NAT2: variants seen among roughly 807,000 people sequenced by gnomAD.
NAT2 encodes N-acetyltransferase 2.
For synonymous variants in NAT2, 137 were observed against 125.9 expected (o/e 1.09, Z -0.59); for missense variants, 428 against 339.1 (o/e 1.26, Z -2.06).
At chr8:18,388,806 C>T (rs760420552), upstream of NAT2, among the ~76,000 whole-genome samples, 30 of 152,204 alleles carry the variant, frequency 2.0e-4, no homozygotes, top group Non-Finnish European at 2.9e-4. Context: ...TGTTGCCCAG[C>T]CCATCTCTGT....
intron 1 of NAT2, among the ~76,000 whole-genome samples, chr8:18,399,077 C>T (rs1428760795): frequency 1.3e-5 from 2 of 152,152 alleles, no homozygotes; most frequent in Non-Finnish European, 2.9e-5. Context: ...TGTCAGATAT[C>T]ATCTCAATCC....
Position 18,395,466 on chromosome 8 carries a change from G to A in NAT2, c.-7+4121G>A, listed in dbSNP as rs532063157. Among the ~76,000 whole-genome samples, 284 of 152,116 alleles carry A rather than the reference G, an allele frequency of 1.9e-3. 3 individuals are homozygous for A. The highest frequency in any genetic ancestry group is 3.0e-3 in the Non-Finnish European group (201 of 67,982). On this transcript the variant is annotated intron_variant, in intron 1 of 1. Coordinates refer to ENST00000286479, the MANE Select transcript of NAT2 (RefSeq NM_000015.3). ...ATGTTGAAAAACATACTAGTAACAG[G>A]TTTAATATAAATGTAGAACAAATAA...
upstream of NAT2, among the ~76,000 whole-genome samples, chr8:18,390,031 A>G (rs1800568577): frequency 6.6e-6 from 1 of 152,194 alleles, no homozygotes. Context: ...CCAGTAGACA[A>G]CACCAGGAGG....
At chr8:18,396,436 T>G (rs1392164614) in intron 1 of NAT2, among the ~76,000 whole-genome samples, 3 of 152,178 alleles carry the variant, frequency 2.0e-5, no homozygotes, top group Non-Finnish European at 4.4e-5. Context: ...TTTTTTTTTG[T>G]TCTTTTGAGA....
chr8:18,397,867 A>T (rs748657789), intron 1 of NAT2, among the ~76,000 whole-genome samples: 316 of 150,664 alleles, frequency 2.1e-3, no homozygotes, highest in Non-Finnish European at 3.7e-3. Context: ...GCTCTGGCAA[A>T]TTTTTTTTTT....
chr8:18,400,197 G>A lies in NAT2; in HGVS notation c.194G>A (p.Gly65Asp), dbSNP rs1019316375. ...GATCACATTGTAAGAAGAAACCGGG[G>A]TGGGTGGTGTCTCCAGGTCAATCAA... ...IFDHIVRRNR[G>D]GWCLQVNQLL... Residue 65 changes from glycine (G) to aspartate (D), a missense_variant, in exon 2 of 2, where the codon GGT becomes GAT. Physicochemically the swap from Gly to Asp is moderately conservative, Grantham distance 94 (BLOSUM62 -1). Coordinates refer to ENST00000286479, the MANE Select transcript of NAT2 (RefSeq NM_000015.3). 35 of 1,613,130 alleles carry A rather than the reference G, an allele frequency of 2.2e-5. No homozygotes were observed. The highest frequency in any genetic ancestry group is 2.9e-5 in the Non-Finnish European group (34 of 1,179,406).
Position 18,400,596 on chromosome 8 carries a change from C to G in NAT2, c.593C>G (p.Thr198Arg), listed in dbSNP as rs1390083945. 6.2e-7 allele frequency: 1 copy of G among 1,613,308 alleles called. No individual in the cohort carries two copies. The highest frequency in any genetic ancestry group is 8.5e-7 in the Non-Finnish European group (1 of 1,179,876). ...TACTTATTTACGCTTGAACCTCGAA[C>G]AATTGAAGATTTTGAGTCTATGAAT... is the stretch of plus-strand genomic sequence containing the variant. ...KIYLFTLEPR[T>R]IEDFESMNTY... Residue 198 changes from threonine to arginine, a missense_variant, in exon 2 of 2, where the codon ACA becomes AGA. Coordinates refer to ENST00000286479, the MANE Select transcript of NAT2 (RefSeq NM_000015.3).
chr8:18,391,917 TAA>T (rs1800597518), intron 1 of NAT2, among the ~76,000 whole-genome samples: 1 of 152,212 alleles, frequency 6.6e-6, no homozygotes, highest in Non-Finnish European at 1.5e-5. Context: ...TAAGCCCTTT[TAA>T]CTCAAGCATT....
chr8:18,386,941 G>A (rs1800513811), upstream of NAT2, among the ~76,000 whole-genome samples: 1 of 152,208 alleles, frequency 6.6e-6, no homozygotes, highest in Non-Finnish European at 1.5e-5. Flanking sequence ...TTCACATGGA[G>A]AAGCCGAGTT....
upstream of NAT2, among the ~76,000 whole-genome samples, chr8:18,386,334 C>A (rs1800506179): frequency 6.6e-6 from 1 of 152,214 alleles, no homozygotes; most frequent in Non-Finnish European, 1.5e-5. Flanking sequence ...ACAACTGGAG[C>A]CAGCAACTGG....
chr8:18,391,900 G>T (rs952924150), intron 1 of NAT2, among the ~76,000 whole-genome samples: 2 of 152,180 alleles, frequency 1.3e-5, no homozygotes, highest in Non-Finnish European at 2.9e-5. Context: ...ATAAACCATG[G>T]TTCCCATAAG....
intron 1 of NAT2, among the ~76,000 whole-genome samples, chr8:18,399,256 G>A (rs1451029747): frequency 6.6e-6 from 1 of 152,140 alleles, no homozygotes; most frequent in Non-Finnish European, 1.5e-5. Flanking sequence ...TAAAGTCTTA[G>A]TGAGCCTTTC....
At chr8:18,397,713 G>C (rs554017787) in intron 1 of NAT2, among the ~76,000 whole-genome samples, 1 of 152,176 alleles carries the variant, frequency 6.6e-6, no homozygotes, top group East Asian at 1.9e-4. Flanking sequence ...ATTCCAAGAA[G>C]TTTTAATGTT....
At chr8:18,394,269 C>T (rs1800644645) in intron 1 of NAT2, among the ~76,000 whole-genome samples, 1 of 152,100 alleles carries the variant, frequency 6.6e-6, no homozygotes, top group Non-Finnish European at 1.5e-5. Context: ...GGAATGTCAT[C>T]AGTAAGGCAG....
At chr8:18,391,439 C>T (rs1319102978) in intron 1 of NAT2, 94 bp downstream of exon 1, 1 of 150,752 alleles carries the variant, frequency 6.6e-6, no homozygotes, top group African/African-American at 2.4e-5. Flanking sequence ...TGAATGGATC[C>T]CCTCTTGTCC....
chr8:18,388,753 T>A (rs1800546769), upstream of NAT2, among the ~76,000 whole-genome samples: 1 of 152,236 alleles, frequency 6.6e-6, no homozygotes, highest in South Asian at 2.1e-4. Context: ...TCTACGTGTA[T>A]AAGTCACAGT....
At chr8:18,390,114 A>T (rs946781032), upstream of NAT2, among the ~76,000 whole-genome samples, 1 of 152,208 alleles carries the variant, frequency 6.6e-6, no homozygotes, top group Non-Finnish European at 1.5e-5. Context: ...TCCAGTTCCC[A>T]TCATGTGGGC....
chr8:18,392,807 A>T (rs6984200), intron 1 of NAT2, among the ~76,000 whole-genome samples: 42,777 of 152,062 alleles, frequency 0.28, 6,208 homozygotes, highest in South Asian at 0.36. Context: ...ATGGCCAGAA[A>T]CAGGTAAATT....
chr8:18,395,447 AAAAACATACTAGTAACAGGT>A (rs1800667865), intron 1 of NAT2, among the ~76,000 whole-genome samples: 1 of 152,174 alleles, frequency 6.6e-6, no homozygotes, highest in Non-Finnish European at 1.5e-5. Flanking sequence ...CGCAATGTTG[AAAAACATACTAGTAACAGGT>A]TTAATATAAA....
Sources: allele counts gnomAD v4.1 joint callset (sites outside exome capture counted in the v4.1 genomes callset), GRCh38; gene constraint gnomAD v4.1.1; transcripts MANE v1.5; gene names NCBI Gene and HGNC (gene_info 2026-07-23, HGNC 2026-07-21).